The following SMAD7 variants were observed in gnomAD, a reference collection of about 807,000 sequenced individuals.
The protein encoded by SMAD7 is SMAD family member 7.
Under a neutral mutation model 38.7 loss-of-function variants are expected in SMAD7, and 8 were observed. The ratio of observed to expected loss-of-function variants is 0.21; its 90% CI spans 0.12 to 0.37. The LOEUF (loss-of-function observed/expected upper bound fraction) is 0.37. Among genes scored for constraint, SMAD7 ranks in the 10% least tolerant of loss-of-function variants. The pLI, the probability that SMAD7 is intolerant of heterozygous loss-of-function variation, is 1.00. For synonymous variants in SMAD7, 327 were observed against 265.1 expected (o/e 1.23, Z -2.27); for missense variants, 477 against 577.9 (o/e 0.83, Z 1.79).
intron 2 of SMAD7, among the ~76,000 whole-genome samples, chr18:48,945,575 A>G (rs2070186142): frequency 6.6e-6 from 1 of 152,196 alleles, no homozygotes; most frequent in Non-Finnish European, 1.5e-5. Flanking sequence ...GAATGACCTA[A>G]TCTCTTTCAT....
intron 3 of SMAD7, among the ~76,000 whole-genome samples, chr18:48,932,079 AC>A (rs1215479873): frequency 1.3e-5 from 2 of 151,988 alleles, no homozygotes; most frequent in Admixed American, 6.5e-5. Flanking sequence ...CTGATAACTA[AC>A]TTTTTAATTT....
At chr18:48,949,166 A>G (rs898630607) in intron 1 of SMAD7, 1 of 437,754 alleles carries the variant, frequency 2.3e-6, no homozygotes, top group African/African-American at 2.1e-5. Flanking sequence ...GGGACACCCA[A>G]CTTCTCCTGC....
At chr18:48,945,715 A>T (rs1425187604) in intron 2 of SMAD7, among the ~76,000 whole-genome samples, 1 of 152,144 alleles carries the variant, frequency 6.6e-6, no homozygotes, top group Non-Finnish European at 1.5e-5. Flanking sequence ...GCCCATGGAT[A>T]CTGGCCACCT....
chr18:48,929,565 T>TCACACACACACACACACACACA (rs756130657), intron 3 of SMAD7, among the ~76,000 whole-genome samples: 4 of 40,142 alleles, frequency 1.0e-4, no homozygotes, highest in African/African-American at 2.7e-4. Context: ...TCTCTCTCTC[T>TCACACACACACACACACACACA]CTCTCACTCA....
In SMAD7 at chr18:48,949,978, CGGCTGCGCA is replaced by C. The variant is rs776516755; in HGVS notation, c.438_446del (p.Ala147_Pro149del). 165 of 1,597,100 alleles carry C rather than the reference CGGCTGCGCA, an allele frequency of 1.0e-4. No homozygotes were observed. The highest frequency in any genetic ancestry group is 1.3e-4 in the Non-Finnish European group (155 of 1,172,706). ...GGAGGGGGAGCGAGTAGGACGAGGG[CGGCTGCGCA>C]GGCTGCGCGCCGGCGGGCGCCCCCG... is the stretch of plus-strand genomic sequence containing the variant. On this transcript the variant is annotated inframe_deletion, in exon 1 of 4. Coordinates refer to ENST00000262158, the MANE Select transcript of SMAD7 (RefSeq NM_005904.4).
intron 3 of SMAD7, among the ~76,000 whole-genome samples, chr18:48,924,703 C>G (rs34007497): frequency 0.39 from 58,985 of 152,036 alleles, 11,772 homozygotes; most frequent in Middle Eastern, 0.47. Flanking sequence ...CTGCTCCTCC[C>G]TCGCTGTCCC....
intron 3 of SMAD7, among the ~76,000 whole-genome samples, chr18:48,936,789 G>A (rs1392694964): frequency 2.0e-5 from 3 of 152,130 alleles, no homozygotes; most frequent in Non-Finnish European, 4.4e-5. Context: ...AATAATAAAG[G>A]AGCAAAGAGG....
At chr18:48,941,611 TTC>T (rs1452328258) in intron 3 of SMAD7, among the ~76,000 whole-genome samples, 4 of 152,170 alleles carry the variant, frequency 2.6e-5, no homozygotes, top group Admixed American at 2.6e-4. Context: ...CTGCTGGAAT[TTC>T]TGTTTTTAAG....
In SMAD7 at chr18:48,947,898, C is replaced by G. The variant is rs537907497; in HGVS notation, c.667+486G>C. Among the ~76,000 whole-genome samples, 276 of 149,662 alleles carry G rather than the reference C, an allele frequency of 1.8e-3. 3 individuals are homozygous for G. Among genetic ancestry groups the G allele is most frequent in the African/African-American group, 6.2e-3 (253 of 40,684 alleles). The stretch of plus-strand genomic sequence containing the variant: ...ACTGGAGCAGGAGGAACCTACCCCC[C>G]CCCCCCTTTTACTGGCTGTTGCCTA... On this transcript the variant is annotated intron_variant, in intron 2 of 3. Transcript: ENST00000262158.
At chr18:48,947,794 G>A (rs986237337) in intron 2 of SMAD7, among the ~76,000 whole-genome samples, 7 of 152,150 alleles carry the variant, frequency 4.6e-5, no homozygotes, top group Non-Finnish European at 7.3e-5. Context: ...GCAGCAGACA[G>A]GCAGAGCTAT....
intron 1 of SMAD7, chr18:48,949,473 T>A (rs2070235151): frequency 1.2e-5 from 2 of 166,194 alleles, no homozygotes; most frequent in East Asian, 3.6e-4. Flanking sequence ...CCCACCTCCC[T>A]CTGCACCCCC....
intron 1 of SMAD7, 144 bp from the exon 2 acceptor site, chr18:48,948,581 T>A: frequency 1.8e-6 from 1 of 547,674 alleles, no homozygotes; most frequent in Non-Finnish European, 3.2e-6. Context: ...GTGATTGCCT[T>A]GATATTTAGC....
At chr18:48,940,502 G>A (rs2070124992) in intron 3 of SMAD7, among the ~76,000 whole-genome samples, 1 of 152,166 alleles carries the variant, frequency 6.6e-6, no homozygotes, top group African/African-American at 2.4e-5. Context: ...TGTAATCTCA[G>A]CACTTGGGGA....
At chr18:48,947,618 T>G (rs1381759523) in intron 2 of SMAD7, among the ~76,000 whole-genome samples, 1 of 152,262 alleles carries the variant, frequency 6.6e-6, no homozygotes, top group African/African-American at 2.4e-5. Context: ...TTGTCCTTGT[T>G]GTCACCCCCA....
intron 1 of SMAD7, 137 bp downstream of exon 1, chr18:48,949,675 G>A: frequency 1.1e-6 from 1 of 923,530 alleles, no homozygotes; most frequent in Non-Finnish European, 1.6e-6. Context: ...CACTCTCCCA[G>A]GAGGGTATGC....
chr18:48,943,934 C>T (rs149193178), intron 2 of SMAD7, among the ~76,000 whole-genome samples: 10 of 152,144 alleles, frequency 6.6e-5, no homozygotes, highest in South Asian at 2.1e-4. Flanking sequence ...CTCTCCTAAG[C>T]GGGCGAGGGG....
chr18:48,949,343 A>T (rs1568306954), intron 1 of SMAD7: 1 of 894,576 alleles, frequency 1.1e-6, no homozygotes. Flanking sequence ...TAAAGGAGTA[A>T]ATACGGAGAC....
At chr18:48,948,251 C>T (rs2070218400) in intron 2 of SMAD7, 133 bp downstream of exon 2, 1 of 555,292 alleles carries the variant, frequency 1.8e-6, no homozygotes, top group Non-Finnish European at 3.2e-6. Flanking sequence ...ACCAAACTTC[C>T]AACAGAGGAA....
intron 2 of SMAD7, among the ~76,000 whole-genome samples, chr18:48,943,877 A>G (rs2070168982): frequency 6.6e-6 from 1 of 151,812 alleles, no homozygotes; most frequent in Non-Finnish European, 1.5e-5. Context: ...ACTCAGGGTC[A>G]CTCCCTCTCC....
Sources: allele counts gnomAD v4.1 joint callset (sites outside exome capture counted in the v4.1 genomes callset), GRCh38; gene constraint gnomAD v4.1.1; transcripts MANE v1.5; gene names NCBI Gene and HGNC (gene_info 2026-07-23, HGNC 2026-07-21).